KCNIP4: variants seen among roughly 807,000 people sequenced by gnomAD.
The protein encoded by KCNIP4 is Kv channel-interacting protein 4.
In KCNIP4, 12 loss-of-function variants were observed where a neutral mutation model predicts 34.0. That is an observed-to-expected ratio of 0.35 (90% CI 0.23 to 0.57). The LOEUF is 0.57. KCNIP4 is among the 20% of genes least tolerant of loss of function. KCNIP4 has a pLI of 0.83. For missense variants in KCNIP4, 238 were observed against 311.7 expected (o/e 0.76, Z 1.78); for synonymous variants, 124 against 102.2 (o/e 1.21, Z -1.29).
intron 3 of KCNIP4, among the ~76,000 whole-genome samples, chr4:20,798,441 C>T (rs1713766712): frequency 6.6e-6 from 1 of 152,002 alleles, no homozygotes; most frequent in Non-Finnish European, 1.5e-5. Flanking sequence ...TTGAAATTTC[C>T]TTGGAGTGAC....
At chr4:20,844,342 C>A (rs1315688103) in intron 3 of KCNIP4, among the ~76,000 whole-genome samples, 1 of 152,168 alleles carries the variant, frequency 6.6e-6, no homozygotes, top group African/African-American at 2.4e-5. Context: ...CTGTTCTTAC[C>A]TTAATTCTAA....
chr4:21,316,051 GA>G (rs1713725428), intron 1 of KCNIP4, among the ~76,000 whole-genome samples: 2 of 152,146 alleles, frequency 1.3e-5, no homozygotes, highest in Non-Finnish European at 2.9e-5. Flanking sequence ...TTTTCCTTCT[GA>G]GAAATTCTTA....
chr4:20,879,571 T>A (rs1354496072), intron 2 of KCNIP4, among the ~76,000 whole-genome samples: 2 of 152,226 alleles, frequency 1.3e-5, no homozygotes, highest in Admixed American at 1.3e-4. Context: ...CATTTAAGAA[T>A]GTCTATGGTT....
intron 1 of KCNIP4, among the ~76,000 whole-genome samples, chr4:20,895,589 T>C (rs574421205): frequency 2.0e-5 from 3 of 152,360 alleles, no homozygotes; most frequent in African/African-American, 7.2e-5. Flanking sequence ...TGTCACTGTA[T>C]TTAATTTTCA....
intron 3 of KCNIP4, among the ~76,000 whole-genome samples, chr4:20,836,012 A>G (rs1578735975): frequency 6.6e-6 from 1 of 152,184 alleles, no homozygotes; most frequent in South Asian, 2.1e-4. Flanking sequence ...GTTTACTGCA[A>G]TATCTTCTTT....
At chr4:21,095,337 C>G (rs889438140) in intron 1 of KCNIP4, among the ~76,000 whole-genome samples, 2 of 152,100 alleles carry the variant, frequency 1.3e-5, no homozygotes, top group Non-Finnish European at 2.9e-5. Flanking sequence ...TAAAAGATGG[C>G]CTCTTTCAAA....
At chr4:21,493,733 A>C (rs1732607132) in intron 1 of KCNIP4, among the ~76,000 whole-genome samples, 1 of 152,178 alleles carries the variant, frequency 6.6e-6, no homozygotes, top group Non-Finnish European at 1.5e-5. Context: ...TACAGAGGGC[A>C]GGAGAAAGGC....
At chr4:21,653,504 C>T (rs969859797) in intron 1 of KCNIP4, among the ~76,000 whole-genome samples, 2 of 152,252 alleles carry the variant, frequency 1.3e-5, no homozygotes, top group Admixed American at 6.5e-5. Context: ...CGTGGGTATA[C>T]AAACACATAC....
At chr4:20,881,619 A>T (rs1724693344) in intron 2 of KCNIP4, among the ~76,000 whole-genome samples, 1 of 152,192 alleles carries the variant, frequency 6.6e-6, no homozygotes, top group African/African-American at 2.4e-5. Flanking sequence ...TTTCCTTTAG[A>T]TATTCCTCTA....
chr4:21,665,268 C>T (rs920133639), intron 1 of KCNIP4, among the ~76,000 whole-genome samples: 1 of 152,136 alleles, frequency 6.6e-6, no homozygotes, highest in African/African-American at 2.4e-5. Context: ...CCAGGACCTT[C>T]CTCTGGGTAA....
intron 1 of KCNIP4, among the ~76,000 whole-genome samples, chr4:21,014,517 C>CA (rs1267985746): frequency 1.3e-5 from 2 of 152,184 alleles, no homozygotes; most frequent in Non-Finnish European, 2.9e-5. Context: ...GAATAACATT[C>CA]AAAATCACAT....
intron 1 of KCNIP4, among the ~76,000 whole-genome samples, chr4:21,489,039 A>T (rs1732149691): frequency 6.6e-6 from 1 of 152,164 alleles, no homozygotes; most frequent in Non-Finnish European, 1.5e-5. Context: ...TTACGATGCA[A>T]CACAAAGCTG....
chr4:20,987,125 G>T (rs754873097), intron 1 of KCNIP4, among the ~76,000 whole-genome samples: 1 of 152,128 alleles, frequency 6.6e-6, no homozygotes, highest in Non-Finnish European at 1.5e-5. Flanking sequence ...CGCCACTCTT[G>T]GAAAGAAGAG....
chr4:20,794,022 T>G (rs998981546), intron 3 of KCNIP4, among the ~76,000 whole-genome samples: 23 of 152,172 alleles, frequency 1.5e-4, no homozygotes, highest in African/African-American at 5.5e-4. Flanking sequence ...CTGATGGTTT[T>G]AAAAAGTAGA....
intron 1 of KCNIP4, among the ~76,000 whole-genome samples, chr4:21,080,655 A>G (rs919460512): frequency 1.3e-5 from 2 of 151,886 alleles, no homozygotes; most frequent in Non-Finnish European, 2.9e-5. Context: ...TTTCATACAT[A>G]TTGAATCCTC....
chr4:21,620,676 C>A (rs1184400327), intron 1 of KCNIP4, among the ~76,000 whole-genome samples: 2 of 152,286 alleles, frequency 1.3e-5, no homozygotes, highest in South Asian at 2.1e-4. Context: ...TTTCCCTGAA[C>A]AATCAGCCCT....
At chr4:21,885,642 C>T (rs4697247) in intron 1 of KCNIP4, among the ~76,000 whole-genome samples, 89,221 of 151,968 alleles carry the variant, frequency 0.59, 29,008 homozygotes, top group Admixed American at 0.74. Flanking sequence ...CCAAACAACC[C>T]TAATTTAGCA....
chr4:21,458,895 C>T (rs749122408), intron 1 of KCNIP4, among the ~76,000 whole-genome samples: 2 of 151,968 alleles, frequency 1.3e-5, no homozygotes, highest in African/African-American at 4.8e-5. Flanking sequence ...CCTCTTGTTT[C>T]TCTTAATATG....
At chr4:20,813,914 G>A (rs1163836250) in intron 3 of KCNIP4, among the ~76,000 whole-genome samples, 2 of 152,258 alleles carry the variant, frequency 1.3e-5, no homozygotes, top group African/African-American at 2.4e-5. Context: ...TATTTAGCTG[G>A]TCCAGCAAGT....
Sources: gnomAD v4.1 joint callset for allele counts (sites outside exome capture counted in the v4.1 genomes callset) on GRCh38, gnomAD v4.1.1 for gene constraint, MANE v1.5 for transcripts, NCBI Gene and HGNC (gene_info 2026-07-23, HGNC 2026-07-21) for gene names.